Variants in C4orf54 observed in about 807,000 individuals in gnomAD.
C4orf54 encodes the protein uncharacterized protein C4orf54.
A neutral mutation model predicts 80.1 loss-of-function variants in C4orf54; 67 were observed. The ratio of observed to expected loss-of-function variants is 0.84; its 90% CI spans 0.69 to 1.03. The LOEUF (loss-of-function observed/expected upper bound fraction) is 1.03. C4orf54 is among the 50% of genes least tolerant of loss of function. The pLI is 0.00. For synonymous variants in C4orf54, 1,000 were observed against 917.0 expected (o/e 1.09, Z -1.64); for missense variants, 2,434 against 2,253.5 (o/e 1.08, Z -1.62).
Position 99,650,060 on chromosome 4 carries a change from G to C in C4orf54, c.4589C>G (p.Pro1530Arg), listed in dbSNP as rs1309275045. 6.5e-7 allele frequency: 1 copy of C among 1,535,980 alleles called. No individual in the cohort carries two copies. Among genetic ancestry groups the C allele is most frequent in the South Asian group, 1.2e-5 (1 of 84,050 alleles). The change falls in exon 2 of 3, where the codon CCA becomes CGA. Residue 1530 changes from proline (P) to arginine (R), a missense_variant. By Grantham distance (103) the Pro-to-Arg change is moderately radical. Coordinates refer to ENST00000511828, the MANE Select transcript of C4orf54 (RefSeq NM_001354435.2). ...KGSQVSGTSRPAWRTKPDNPR... is the reference protein window; with the variant it reads ...KGSQVSGTSRRAWRTKPDNPR... Reference sequence around the variant, plus strand: ...GTTGTCAGGTTTGGTACGCCAAGCTGGTCGGCTGGTTCCACTAACCTGAGA... The same window carrying C: ...GTTGTCAGGTTTGGTACGCCAAGCTCGTCGGCTGGTTCCACTAACCTGAGA...
In C4orf54 at chr4:99,657,585, A is replaced by C; in HGVS notation, c.-122T>G. ...TTTGAAGAGAAATCTTTTTCAAATG[A>C]AGTCAATTTCCAGTCGGGTTTAATT... On this transcript the variant is annotated 5_prime_UTR_variant, in exon 1 of 3. Coordinates refer to ENST00000511828, the MANE Select transcript of C4orf54 (RefSeq NM_001354435.2). 6.6e-6 allele frequency among the ~76,000 whole-genome samples: 1 copy of C among 152,230 alleles called. No individual in the cohort carries two copies. Among genetic ancestry groups the C allele is most frequent in the Non-Finnish European group, 1.5e-5 (1 of 68,046 alleles).
chr4:99,652,618 C>T lies in C4orf54; in HGVS notation c.2031G>A (p.Glu677=), dbSNP rs1252527751. Residue 677 remains glutamate, a synonymous_variant, in exon 2 of 3, where the codon GAG becomes GAA. Transcript: ENST00000511828. ...CCGCGCTGCTCCTGAGGAGGCTCTG[C>T]TCCACCCTGGCCCCAACACCCCCAC... ...LKCGGVGARV[E]QSLLRSSAAS... is the part of the protein sequence containing the mutation. The T allele has an allele frequency of 6.5e-7, 1 of 1,536,056 alleles. No homozygotes were observed. Among genetic ancestry groups the T allele is most frequent in the South Asian group, 1.2e-5 (1 of 84,052 alleles).
chr4:99,652,832 G>T lies in C4orf54; in HGVS notation c.1817C>A (p.Ser606Tyr). Residue 606 changes from serine to tyrosine, a missense_variant, in exon 2 of 3, where the codon TCC becomes TAC. By Grantham distance (144) the Ser-to-Tyr change is moderately radical. Coordinates refer to ENST00000511828, the MANE Select transcript of C4orf54 (RefSeq NM_001354435.2). ...AIRAKELVDYSSGASSAVSEL... is the reference protein window; with the variant it reads ...AIRAKELVDYYSGASSAVSEL... ...GCTCACGGCACTGGAGGCTCCGCTG[G>T]AGTAGTCCACCAGCTCCTTCGCCCG... 6 of 1,536,120 alleles carry T rather than the reference G, an allele frequency of 3.9e-6. No individual in the cohort carries two copies. The highest frequency in any genetic ancestry group is 5.2e-6 in the Non-Finnish European group (6 of 1,146,906).
At position 99,642,088 on chromosome 4, in the gene C4orf54, A is replaced by G. The variant is rs186645556; in HGVS notation, c.*37-892T>C. ...GTCTATAAGAATAATTTTTAAGCTTATATGTATACACTCCATGTTTATTTT... is the reference window on the plus strand; with the variant it reads ...GTCTATAAGAATAATTTTTAAGCTTGTATGTATACACTCCATGTTTATTTT... On this transcript the variant is annotated intron_variant, in intron 2 of 2. Coordinates refer to ENST00000511828, the MANE Select transcript of C4orf54 (RefSeq NM_001354435.2). 2.6e-5 allele frequency among the ~76,000 whole-genome samples: 4 copies of G among 152,326 alleles called. No homozygotes were observed. The East Asian group carries it at 5.8e-4, about 22-fold the overall frequency.
At position 99,650,903 on chromosome 4, in the gene C4orf54, G is replaced by A; in HGVS notation, c.3746C>T (p.Pro1249Leu). Residue 1249 changes from proline (P) to leucine (L), a missense_variant, in exon 2 of 3, where the codon CCA becomes CTA. By Grantham distance (98) the Pro-to-Leu change is moderately conservative. Transcript: ENST00000511828. ...EVKEEGKATK[P>L]ARNALEKLTA... ...CAGCTTCTCCAGGGCATTCCGGGCT[G>A]GCTTCGTGGCTTTCCCTTCCTCCTT... is the stretch of plus-strand genomic sequence containing the variant. The A allele has an allele frequency of 2.6e-6, 4 of 1,536,080 alleles. No individual in the cohort carries two copies. Among genetic ancestry groups the A allele is most frequent in the Non-Finnish European group, 3.5e-6 (4 of 1,146,834 alleles).
intron 2 of C4orf54, among the ~76,000 whole-genome samples, chr4:99,646,972 A>G (rs779583753): frequency 1.3e-4 from 20 of 152,202 alleles, no homozygotes; most frequent in Admixed American, 2.6e-4. Context: ...CATTATTTCA[A>G]TTTGGCTAAG....
In C4orf54 at chr4:99,637,565, G is replaced by A. The variant is rs1043669615; in HGVS notation, c.*3668C>T. The A allele has an allele frequency of 1.3e-5, 2 of 152,158 alleles. No homozygotes were observed. The allele number at this position is 152,158 out of a possible 1,614,324, so 9.4% of individuals were successfully genotyped here. On this transcript the variant is annotated 3_prime_UTR_variant, in exon 3 of 3. Transcript: ENST00000511828. Reference sequence around the variant, plus strand: ...GAAGCTAGTTAAGAATATATAAGCAGTCTCTTGATAATATATATCTTATTT... The same window carrying A: ...GAAGCTAGTTAAGAATATATAAGCAATCTCTTGATAATATATATCTTATTT...
At chr4:99,643,792 A>ACACCCCCC (rs61130907) in intron 2 of C4orf54, among the ~76,000 whole-genome samples, 49 of 98,848 alleles carry the variant, frequency 5.0e-4, no homozygotes, top group Non-Finnish European at 7.4e-4. Flanking sequence ...ACACACACAC[A>ACACCCCCC]CCCCCTCCGC....
chr4:99,653,659 T>TC lies in C4orf54; in HGVS notation c.989dup (p.Gly331ArgfsTer42), dbSNP rs980320123. On this transcript the variant is annotated frameshift_variant, in exon 2 of 3. Coordinates refer to ENST00000511828, the MANE Select transcript of C4orf54 (RefSeq NM_001354435.2). LOFTEE classifies it high-confidence loss of function. The stretch of plus-strand genomic sequence containing the variant: ...CTCCTCCCCCTCCTCCTTTTCCTCC[T>TC]CCCCCTCCTCCTGATATTTTCTCTC... 4 of 1,518,458 alleles carry TC rather than the reference T, an allele frequency of 2.6e-6. No individual in the cohort carries two copies. The highest frequency in any genetic ancestry group is 1.4e-5 in the African/African-American group (1 of 72,362). The allele number at this position is 1,518,458 out of a possible 1,614,324, so 94.1% of individuals were successfully genotyped here.
chr4:99,654,988 A>G (rs924941135), intron 1 of C4orf54, among the ~76,000 whole-genome samples: 3 of 152,264 alleles, frequency 2.0e-5, no homozygotes, highest in African/African-American at 7.2e-5. Context: ...CGCATTTCGC[A>G]TGAATTAAGG....
At position 99,650,499 on chromosome 4, in the gene C4orf54, G is replaced by A. The variant is rs1287382890; in HGVS notation, c.4150C>T (p.Pro1384Ser). ...PVHKDVERTQ[P>S]LQPLPPLPSN... ...GGGAGTGGTGGGAGGGGCTGCAGGG[G>A]TTGGGTTCTCTCTACATCCTTGTGG... The change falls in exon 2 of 3, where the codon CCC (proline) becomes TCC (serine). Residue 1384 changes from proline (P) to serine (S), a missense_variant. Coordinates refer to ENST00000511828, the MANE Select transcript of C4orf54 (RefSeq NM_001354435.2). The A allele has an allele frequency of 5.2e-6, 8 of 1,536,128 alleles. No homozygotes were observed. The highest frequency in any genetic ancestry group is 7.0e-6 in the Non-Finnish European group (8 of 1,146,892).
In C4orf54 at chr4:99,651,063, T is replaced by TGTGAACCAA; in HGVS notation, c.3577_3585dup (p.Leu1193_His1195dup). Reference sequence around the variant, plus strand: ...GCCACAGGCAGCCTGCCAGATGCCCTGTGAACCAAGACTGTCCCTTCTGGG... The same window carrying TGTGAACCAA: ...GCCACAGGCAGCCTGCCAGATGCCCTGTGAACCAAGTGAACCAAGACTGTCCCTTCTGGG... On this transcript the variant is annotated inframe_insertion, in exon 2 of 3. Transcript: ENST00000511828. 2 of 1,536,160 alleles carry TGTGAACCAA rather than the reference T, an allele frequency of 1.3e-6. No homozygotes were observed. Among genetic ancestry groups the TGTGAACCAA allele is most frequent in the Non-Finnish European group, 1.7e-6 (2 of 1,146,906 alleles).
At chr4:99,656,215 G>A (rs978569993) in intron 1 of C4orf54, among the ~76,000 whole-genome samples, 14 of 151,692 alleles carry the variant, frequency 9.2e-5, no homozygotes, top group African/African-American at 2.2e-4. Flanking sequence ...AGTAAAGAGC[G>A]AGAGAACTTG....
At position 99,651,552 on chromosome 4, in the gene C4orf54, G is replaced by A. The variant is rs189476446; in HGVS notation, c.3097C>T (p.Leu1033=). 3,026 of 1,536,158 alleles carry A rather than the reference G, an allele frequency of 2.0e-3. 5 individuals are homozygous for A. The highest frequency in any genetic ancestry group is 2.3e-3 in the Non-Finnish European group (2,599 of 1,146,912). Residue 1033 remains leucine, a synonymous_variant, in exon 2 of 3, where the codon CTG becomes TTG. Transcript: ENST00000511828. ...GAGCTCGGCTGCTGCACACTCCCCA[G>A]CCGGATCTTGATTTCGGGAGCCTTG... ...RPKAPEIKIR[L]GSVQQPSSDF...
chr4:99,651,868 A>C lies in C4orf54; in HGVS notation c.2781T>G (p.Ser927Arg), dbSNP rs1179685054. Residue 927 changes from serine to arginine, a missense_variant, in exon 2 of 3, where the codon AGT (serine) becomes AGG (arginine). Ser to Arg is a moderately radical substitution (Grantham distance 110). Transcript: ENST00000511828. ...AGATGCCCTTGACGGTCTCTGAGGC[A>C]CTCTTTTTAATTTCACACACTTCTG... ...GHTEVCEIKK[S>R]ASETVKGIFL... 10 of 1,535,592 alleles carry C rather than the reference A, an allele frequency of 6.5e-6. No homozygotes were observed. The highest frequency in any genetic ancestry group is 8.7e-6 in the Non-Finnish European group (10 of 1,146,842).
Position 99,649,752 on chromosome 4 carries a change from G to A in C4orf54, c.4897C>T (p.Arg1633Trp), listed in dbSNP as rs908806358. The A allele has an allele frequency of 1.2e-5, 18 of 1,536,080 alleles. No homozygotes were observed. Among genetic ancestry groups the A allele is most frequent in the African/African-American group, 2.7e-5 (2 of 73,030 alleles). Residue 1633 changes from arginine to tryptophan, a missense_variant, in exon 2 of 3, where the codon CGG (arginine) becomes TGG (tryptophan). Physicochemically the swap from Arg to Trp is moderately radical, Grantham distance 101. Coordinates refer to ENST00000511828, the MANE Select transcript of C4orf54 (RefSeq NM_001354435.2). Reference sequence around the variant, plus strand: ...CCTGTCTCAGGGTCAAACAGTCTCCGGGTCATGGGCTGTACTGGTGTGTCC... The same window carrying A: ...CCTGTCTCAGGGTCAAACAGTCTCCAGGTCATGGGCTGTACTGGTGTGTCC... ...LVDTPVQPMT[R>W]RLFDPETGQY... is the part of the protein sequence containing the mutation.
Position 99,650,009 on chromosome 4 carries a change from G to C in C4orf54, c.4640C>G (p.Pro1547Arg), listed in dbSNP as rs1033714203. Reference protein sequence around the residue: ...DNPRETVAAPPGPQSPEHPPT... With the variant: ...DNPRETVAAPRGPQSPEHPPT... The stretch of plus-strand genomic sequence containing the variant: ...GGGATGCTCGGGGCTCTGTGGCCCT[G>C]GGGGGGCAGCTACTGTCTCCCGGGG... The change falls in exon 2 of 3, where the codon CCA (proline) becomes CGA (arginine). Residue 1547 changes from proline to arginine, a missense_variant. Pro to Arg is a moderately radical substitution (Grantham distance 103, BLOSUM62 -2). Coordinates refer to ENST00000511828, the MANE Select transcript of C4orf54 (RefSeq NM_001354435.2). 4.3e-5 allele frequency: 66 copies of C among 1,534,340 alleles called. No individual in the cohort carries two copies. The highest frequency in any genetic ancestry group is 5.3e-5 in the Non-Finnish European group (61 of 1,145,698).
rs942042749 is a variant in C4orf54 at position 99,652,033 on chromosome 4, G to C, written c.2616C>G (p.Ala872=). The change falls in exon 2 of 3, where the codon GCC becomes GCG. Residue 872 remains alanine, a synonymous_variant. Coordinates refer to ENST00000511828, the MANE Select transcript of C4orf54 (RefSeq NM_001354435.2). ...TGCTGACCACTGTGTACTCGGAGCC[G>C]GCCTCGGAGTGACGAGAGCTCTGCC... ...LQRQSSRHSE[A]GSEYTVVSMS... 1.1e-5 allele frequency: 17 copies of C among 1,535,992 alleles called. No individual in the cohort carries two copies. In the African/African-American group the frequency reaches 1.9e-4, roughly 17 times the overall value.
Position 99,653,014 on chromosome 4 carries a change from A to G in C4orf54, c.1635T>C (p.Ala545=). The change falls in exon 2 of 3, where the codon GCT becomes GCC. Residue 545 remains alanine (A), a synonymous_variant. Coordinates refer to ENST00000511828, the MANE Select transcript of C4orf54 (RefSeq NM_001354435.2). ...GGCTCATGTCGCCTTCATGCTTGGCAGCATAAATAATGTTTTGCTTTGCAC... is the reference window on the plus strand; with the variant it reads ...GGCTCATGTCGCCTTCATGCTTGGCGGCATAAATAATGTTTTGCTTTGCAC... ...NVRAKQNIIY[A]AKHEGDMSLR... The G allele has an allele frequency of 1.3e-6, 2 of 1,536,158 alleles. No homozygotes were observed. Among genetic ancestry groups the G allele is most frequent in the Non-Finnish European group, 1.7e-6 (2 of 1,146,898 alleles).
Sources: allele counts gnomAD v4.1 joint callset (sites outside exome capture counted in the v4.1 genomes callset), GRCh38; gene constraint gnomAD v4.1.1; transcripts MANE v1.5; gene names NCBI Gene and HGNC (gene_info 2026-07-23, HGNC 2026-07-21).